Variants in LHFPL2 observed in about 807,000 individuals in gnomAD.
The protein encoded by LHFPL2 is LHFPL tetraspan subfamily member 2 protein.
Under a neutral mutation model 17.5 loss-of-function variants are expected in LHFPL2, and 7 were observed. That is an observed-to-expected ratio of 0.40 (90% CI 0.23 to 0.75). The LOEUF is 0.75. Ranked by LOEUF, LHFPL2 falls within the 30% of genes least tolerant of loss-of-function variation. The pLI is 0.37. For synonymous variants in LHFPL2, 134 were observed against 116.2 expected, an observed-to-expected ratio of 1.15 and a Z score of -0.99; for missense variants, 241 against 294.8, an observed-to-expected ratio of 0.82 and a Z score of 1.34.
chr5:78,527,887 G>A (rs967757892), intron 3 of LHFPL2, among the ~76,000 whole-genome samples: 34 of 152,116 alleles, frequency 2.2e-4, no homozygotes, highest in African/African-American at 8.0e-4. Context: ...AACACCTCTC[G>A]TTCTGAATCC....
intron 4 of LHFPL2, among the ~76,000 whole-genome samples, chr5:78,505,300 T>TCCTTGGACAAGTCCTTGGACAA (rs1410304326): frequency 5.9e-5 from 9 of 152,218 alleles, no homozygotes; most frequent in Admixed American, 2.0e-4. Context: ...AACTGATGTG[T>TCCTTGGACAAGTCCTTGGACAA]GTTGCTGCCT....
At chr5:78,536,757 T>G (rs1201060640) in intron 3 of LHFPL2, among the ~76,000 whole-genome samples, 1 of 152,236 alleles carries the variant, frequency 6.6e-6, no homozygotes, top group East Asian at 1.9e-4. Flanking sequence ...ACCAGTAAAA[T>G]CACAATATAC....
intron 2 of LHFPL2, among the ~76,000 whole-genome samples, chr5:78,609,447 T>A: frequency 1.4e-5 from 1 of 73,192 alleles, no homozygotes; most frequent in Non-Finnish European, 2.3e-5. Context: ...CGAGACTCAG[T>A]CTCAAAAAAA....
At position 78,606,858 on chromosome 5, in the gene LHFPL2, G is replaced by A. The variant is rs562653497; in HGVS notation, c.-245+25406C>T. ...CTCAGCTACTTTTTAAATATTTTTAGTAGAGACGGGGTTTCACCATGTTGG... is the reference window on the plus strand; with the variant it reads ...CTCAGCTACTTTTTAAATATTTTTAATAGAGACGGGGTTTCACCATGTTGG... On this transcript the variant is annotated intron_variant, in intron 2 of 4. Transcript: ENST00000380345. 3.1e-4 allele frequency among the ~76,000 whole-genome samples: 47 copies of A among 151,362 alleles called. 1 individual carries two copies. The East Asian group carries it at 4.8e-3, about 16-fold the overall frequency.
At chr5:78,620,855 T>C (rs116408688) in intron 2 of LHFPL2, among the ~76,000 whole-genome samples, 2,229 of 152,340 alleles carry the variant, frequency 0.015, 60 homozygotes, top group African/African-American at 0.051. Flanking sequence ...TTTCGGACCA[T>C]GTGTGTACAG....
Position 78,615,988 on chromosome 5 carries a change from G to T in LHFPL2, c.-245+16276C>A, listed in dbSNP as rs150296733. 2.8e-3 allele frequency among the ~76,000 whole-genome samples: 425 copies of T among 152,076 alleles called. 3 individuals carry two copies. The highest frequency in any genetic ancestry group is 9.8e-3 in the African/African-American group (408 of 41,512). The stretch of plus-strand genomic sequence containing the variant: ...CAGGACCAGGAATGCTTACCTAACA[G>T]TTGCACTCTCTTCTGCAACTTGCTC... On this transcript the variant is annotated intron_variant, in intron 2 of 4. Transcript: ENST00000380345.
chr5:78,546,872 C>T (rs1756292489), intron 3 of LHFPL2, among the ~76,000 whole-genome samples: 1 of 152,208 alleles, frequency 6.6e-6, no homozygotes, highest in Non-Finnish European at 1.5e-5. Flanking sequence ...AAAGAGGTTT[C>T]TCTCTGTTTG....
intron 2 of LHFPL2, among the ~76,000 whole-genome samples, chr5:78,604,468 G>C (rs1320176777): frequency 6.6e-6 from 1 of 152,180 alleles, no homozygotes; most frequent in Non-Finnish European, 1.5e-5. Context: ...CTGGGTGACA[G>C]AGCAAGATCC....
intron 2 of LHFPL2, among the ~76,000 whole-genome samples, chr5:78,616,736 T>G (rs1256346051): frequency 1.3e-5 from 2 of 152,110 alleles, no homozygotes; most frequent in African/African-American, 4.8e-5. Context: ...CAACAGTTCC[T>G]GATATGAGTC....
At chr5:78,529,112 G>GAA (rs59230176) in intron 3 of LHFPL2, among the ~76,000 whole-genome samples, 23 of 139,156 alleles carry the variant, frequency 1.7e-4, no homozygotes, top group South Asian at 1.4e-3. Flanking sequence ...CCACGTCTCT[G>GAA]AAAAAAAAAA....
chr5:78,638,291 T>C (rs1745531980), intron 1 of LHFPL2, among the ~76,000 whole-genome samples: 1 of 152,104 alleles, frequency 6.6e-6, no homozygotes, highest in Non-Finnish European at 1.5e-5. Flanking sequence ...GAGGCGGGGC[T>C]TGCAGTGAGC....
intron 2 of LHFPL2, among the ~76,000 whole-genome samples, chr5:78,611,805 A>G (rs10060136): frequency 0.36 from 55,521 of 152,154 alleles, 11,136 homozygotes; most frequent in Middle Eastern, 0.48. Context: ...ATGTAGGAGC[A>G]CAAACTTTTT....
intron 2 of LHFPL2, among the ~76,000 whole-genome samples, chr5:78,628,992 A>G (rs991066299): frequency 6.6e-6 from 1 of 152,238 alleles, no homozygotes; most frequent in Non-Finnish European, 1.5e-5. Context: ...GAAGCCTGAG[A>G]CATTGCTCAA....
At chr5:78,550,145 C>T (rs12189516) in intron 3 of LHFPL2, among the ~76,000 whole-genome samples, 1,939 of 152,332 alleles carry the variant, frequency 0.013, 18 homozygotes, top group Non-Finnish European at 0.022. Context: ...TACTGGACCA[C>T]TAGCAAACCA....
intron 3 of LHFPL2, among the ~76,000 whole-genome samples, chr5:78,532,438 G>C (rs13158854): frequency 0.37 from 56,153 of 151,928 alleles, 11,040 homozygotes; most frequent in Middle Eastern, 0.46. Context: ...CTACAGCCAT[G>C]GGGGACTTAG....
chr5:78,640,227 T>C (rs191040101), intron 1 of LHFPL2, among the ~76,000 whole-genome samples: 9 of 152,310 alleles, frequency 5.9e-5, no homozygotes, highest in African/African-American at 2.2e-4. Flanking sequence ...ACAGCACTTA[T>C]TTAATTCAGT....
At chr5:78,527,688 A>G (rs1053393289) in intron 3 of LHFPL2, among the ~76,000 whole-genome samples, 1 of 152,224 alleles carries the variant, frequency 6.6e-6, no homozygotes, top group East Asian at 1.9e-4. Flanking sequence ...TCACAAAGAA[A>G]AAAAAAAGAT....
intron 3 of LHFPL2, among the ~76,000 whole-genome samples, chr5:78,559,501 G>A (rs1756667720): frequency 6.6e-6 from 1 of 152,182 alleles, no homozygotes; most frequent in African/African-American, 2.4e-5. Flanking sequence ...CGACTAGTTA[G>A]AAGTCTCATC....
intron 2 of LHFPL2, among the ~76,000 whole-genome samples, chr5:78,611,996 T>C (rs2112487346): frequency 6.6e-6 from 1 of 152,276 alleles, no homozygotes; most frequent in East Asian, 1.9e-4. Flanking sequence ...AGACAGTGTA[T>C]TTCTCTCCGA....
Sources: allele counts gnomAD v4.1 joint callset (sites outside exome capture counted in the v4.1 genomes callset), GRCh38; gene constraint gnomAD v4.1.1; transcripts MANE v1.5; gene names NCBI Gene and HGNC (gene_info 2026-07-23, HGNC 2026-07-21).